The following PLCH1 variants were observed in gnomAD, a reference collection of about 807,000 sequenced individuals.
PLCH1 encodes the protein phospholipase C eta 1, also known as 1-phosphatidylinositol 4,5-bisphosphate phosphodiesterase eta-1.
Under a neutral mutation model 126.7 loss-of-function variants are expected in PLCH1, and 60 were observed. That is an observed-to-expected ratio of 0.47 (90% confidence interval 0.38 to 0.59). PLCH1 has a LOEUF of 0.59. Among genes scored for constraint, PLCH1 ranks in the 20% least tolerant of loss-of-function variants. PLCH1 has a pLI of 0.00. For missense variants in PLCH1, 1,723 were observed against 2,040.0 expected (o/e 0.84, Z 2.99); for synonymous variants, 719 against 734.9 (o/e 0.98, Z 0.35).
chr3:155,651,968 T>C (rs1559896907), intron 2 of PLCH1, among the ~76,000 whole-genome samples: 1 of 152,250 alleles, frequency 6.6e-6, no homozygotes, highest in Admixed American at 6.5e-5. Context: ...TGTAAAACTA[T>C]GTAAGTTCTG....
intron 10 of PLCH1, among the ~76,000 whole-genome samples, chr3:155,541,976 C>G (rs1186200273): frequency 1.3e-5 from 2 of 152,240 alleles, no homozygotes; most frequent in Non-Finnish European, 2.9e-5. Context: ...CCGGTGATTT[C>G]TGCACTTCCA....
At chr3:155,735,739 C>T (rs1051809068) in intron 1 of PLCH1, among the ~76,000 whole-genome samples, 1 of 151,852 alleles carries the variant, frequency 6.6e-6, no homozygotes, top group Admixed American at 6.6e-5. Context: ...GCTCGATTTA[C>T]CCATTCTGCA....
At chr3:155,668,059 TG>T (rs1276363775) in intron 2 of PLCH1, among the ~76,000 whole-genome samples, 3 of 127,040 alleles carry the variant, frequency 2.4e-5, no homozygotes, top group Admixed American at 1.0e-4. Flanking sequence ...CACTCCAGCC[TG>T]GGTGACAGAG....
At chr3:155,725,465 T>TTG (rs397877093) in intron 1 of PLCH1, among the ~76,000 whole-genome samples, 1 of 151,534 alleles carries the variant, frequency 6.6e-6, no homozygotes, top group African/African-American at 2.4e-5. Context: ...TTTTTTTTTT[T>TTG]GAGACAGAGT....
chr3:155,655,500 T>C (rs1741256128), intron 2 of PLCH1, among the ~76,000 whole-genome samples: 1 of 152,176 alleles, frequency 6.6e-6, no homozygotes, highest in Non-Finnish European at 1.5e-5. Context: ...TTTCACATCT[T>C]TATTTTATTG....
At chr3:155,543,137 T>C (rs1418147097) in intron 10 of PLCH1, among the ~76,000 whole-genome samples, 3 of 152,022 alleles carry the variant, frequency 2.0e-5, no homozygotes, top group Non-Finnish European at 4.4e-5. Context: ...TTGAAAACTT[T>C]GAAAAAAATT....
intron 2 of PLCH1, among the ~76,000 whole-genome samples, chr3:155,604,171 T>C (rs1734084777): frequency 6.6e-6 from 1 of 151,806 alleles, no homozygotes; most frequent in Non-Finnish European, 1.5e-5. Context: ...TAAATATATA[T>C]ATAAACTAAT....
chr3:155,456,508 G>A (rs1712446281), intron 21 of PLCH1, among the ~76,000 whole-genome samples: 1 of 152,036 alleles, frequency 6.6e-6, no homozygotes, highest in African/African-American at 2.4e-5. Flanking sequence ...TTCCCTACCT[G>A]GGCAACCTCA....
At chr3:155,568,828 T>C (rs1181609216) in intron 6 of PLCH1, among the ~76,000 whole-genome samples, 4 of 151,326 alleles carry the variant, frequency 2.6e-5, no homozygotes, top group Non-Finnish European at 5.9e-5. Context: ...TCTGCCATGG[T>C]AATACAGGAA....
intron 21 of PLCH1, among the ~76,000 whole-genome samples, chr3:155,474,075 T>C (rs1317287456): frequency 6.6e-6 from 1 of 152,016 alleles, no homozygotes; most frequent in Non-Finnish European, 1.5e-5. Context: ...CATTGACAAA[T>C]GGGATCTAAT....
chr3:155,484,848 A>G (rs1209708191), intron 22 of PLCH1, among the ~76,000 whole-genome samples: 5 of 152,228 alleles, frequency 3.3e-5, no homozygotes, highest in African/African-American at 1.2e-4. Context: ...GGATCAGGGA[A>G]GTGAGGCCAC....
At chr3:155,499,235 T>C (rs1431775479) in intron 14 of PLCH1, among the ~76,000 whole-genome samples, 1 of 152,170 alleles carries the variant, frequency 6.6e-6, no homozygotes. Flanking sequence ...TTCTTTTCGA[T>C]AGTTAGATGT....
intron 1 of PLCH1, among the ~76,000 whole-genome samples, chr3:155,734,920 A>G (rs1482063158): frequency 2.0e-5 from 3 of 152,114 alleles, no homozygotes; most frequent in Admixed American, 6.5e-5. Flanking sequence ...CATATTAGCC[A>G]GGATGGTCTC....
chr3:155,717,917 C>G (rs1338841223), intron 1 of PLCH1, among the ~76,000 whole-genome samples: 3 of 152,166 alleles, frequency 2.0e-5, no homozygotes, highest in African/African-American at 7.2e-5. Context: ...ACCACAAGGC[C>G]AGGCTGTGAA....
At chr3:155,573,397 A>T (rs145408428) in intron 6 of PLCH1, among the ~76,000 whole-genome samples, 4 of 152,356 alleles carry the variant, frequency 2.6e-5, no homozygotes, top group Non-Finnish European at 5.9e-5. Flanking sequence ...TGTTTATTTG[A>T]TAACAATTGT....
chr3:155,633,295 A>T (rs1251313753), intron 2 of PLCH1, among the ~76,000 whole-genome samples: 3 of 151,024 alleles, frequency 2.0e-5, no homozygotes, highest in Non-Finnish European at 4.4e-5. Context: ...TGATTATTGT[A>T]TATCTGCTTC....
intron 1 of PLCH1, among the ~76,000 whole-genome samples, chr3:155,722,941 C>T (rs1331769576): frequency 6.6e-6 from 1 of 152,138 alleles, no homozygotes; most frequent in African/African-American, 2.4e-5. Flanking sequence ...GCTGTGAATC[C>T]ATCTGGTCCT....
intron 10 of PLCH1, among the ~76,000 whole-genome samples, chr3:155,527,295 T>C (rs946782434): frequency 2.6e-5 from 4 of 152,234 alleles, no homozygotes; most frequent in African/African-American, 9.6e-5. Flanking sequence ...CCCAGGCTGA[T>C]CTCTAAACTC....
chr3:155,469,715 G>T (rs1344231115), intron 21 of PLCH1, among the ~76,000 whole-genome samples: 2 of 151,622 alleles, frequency 1.3e-5, no homozygotes. Flanking sequence ...CTCCCAGCAC[G>T]CAGCTGGAGA....
Sources: gnomAD v4.1 joint callset for allele counts (sites outside exome capture counted in the v4.1 genomes callset) on GRCh38, gnomAD v4.1.1 for gene constraint, MANE v1.5 for transcripts, NCBI Gene and HGNC (gene_info 2026-07-23, HGNC 2026-07-21) for gene names.